The following CSNK1A1 variants were observed in gnomAD, a reference collection of about 807,000 sequenced individuals.
The protein encoded by CSNK1A1 is casein kinase 1 alpha 1, also known as casein kinase I isoform alpha.
Under a neutral mutation model 46.1 loss-of-function variants are expected in CSNK1A1, and 7 were observed. The observed-to-expected ratio is 0.15, with a 90% CI of 0.09 to 0.29. The LOEUF (loss-of-function observed/expected upper bound fraction) is 0.29. Ranked by LOEUF, CSNK1A1 falls within the 10% of genes least tolerant of loss-of-function variation. The pLI, the probability that CSNK1A1 is intolerant of heterozygous loss-of-function variation, is 1.00. For synonymous variants in CSNK1A1, 137 were observed against 141.5 expected (o/e 0.97, Z 0.23); for missense variants, 96 against 417.1 (o/e 0.23, Z 6.71).
chr5:149,515,228 T>A (rs1761363184), intron 4 of CSNK1A1, among the ~76,000 whole-genome samples: 1 of 152,210 alleles, frequency 6.6e-6, no homozygotes. Context: ...TTTTCTAGGA[T>A]TGCTTCCTTT....
rs565093834 is a variant in CSNK1A1, at chr5:149,531,443, G to A, written c.231-6272C>T. On this transcript the variant is annotated intron_variant, in intron 2 of 9. Coordinates refer to ENST00000377843, the MANE Select transcript of CSNK1A1 (RefSeq NM_001892.6). ...TGAGGCAGGAAAATTGCTTGAACCC[G>A]GGAGGCCGAGGTTGCAGTGAGCCGA... 5.3e-5 allele frequency among the ~76,000 whole-genome samples: 8 copies of A among 151,988 alleles called. No homozygotes were observed. In the South Asian group the frequency reaches 6.2e-4, roughly 12 times the overall value.
intron 2 of CSNK1A1, among the ~76,000 whole-genome samples, chr5:149,540,951 G>C (rs1203579802): frequency 6.6e-6 from 1 of 151,784 alleles, no homozygotes; most frequent in Admixed American, 6.6e-5. Context: ...ATGGTGGCGG[G>C]CACCTGTAGT....
At chr5:149,500,039 G>A (rs1580815855) in intron 9 of CSNK1A1, among the ~76,000 whole-genome samples, 3 of 126,604 alleles carry the variant, frequency 2.4e-5, no homozygotes, top group South Asian at 2.5e-4. Context: ...CGCGATCTCC[G>A]CCCACTACAA....
Position 149,548,987 on chromosome 5 carries a change from A to T in CSNK1A1, c.230+1088T>A, listed in dbSNP as rs558812223. On this transcript the variant is annotated intron_variant, in intron 2 of 9. Transcript: ENST00000377843. ...TTTTAGTCTCCATTCCATGAAGAGGATCTTTAATCCCAAAAGTTAAAACAT... is the reference window on the plus strand; with the variant it reads ...TTTTAGTCTCCATTCCATGAAGAGGTTCTTTAATCCCAAAAGTTAAAACAT... 2.6e-5 allele frequency among the ~76,000 whole-genome samples: 4 copies of T among 152,346 alleles called. No homozygotes were observed. The East Asian group carries it at 7.7e-4, about 29-fold the overall frequency.
At chr5:149,534,803 C>T (rs115056340) in intron 2 of CSNK1A1, among the ~76,000 whole-genome samples, 32 of 151,174 alleles carry the variant, frequency 2.1e-4, no homozygotes, top group African/African-American at 7.5e-4. Flanking sequence ...TGGTGGCATG[C>T]GCCTGTACTC....
At chr5:149,548,562 G>A (rs949073571) in intron 2 of CSNK1A1, among the ~76,000 whole-genome samples, 6 of 137,518 alleles carry the variant, frequency 4.4e-5, no homozygotes, top group South Asian at 4.6e-4. Flanking sequence ...GTAAGGCTCC[G>A]TTTCAAAAGA....
chr5:149,541,421 G>A (rs1473132595), intron 2 of CSNK1A1, among the ~76,000 whole-genome samples: 2 of 151,976 alleles, frequency 1.3e-5, no homozygotes, highest in Non-Finnish European at 2.9e-5. Flanking sequence ...CCAAAGTGCT[G>A]GGATTACAGG....
chr5:149,498,546 T>C (rs973094316), intron 9 of CSNK1A1: 7 of 984,954 alleles, frequency 7.1e-6, no homozygotes, highest in Admixed American at 1.2e-4. Context: ...AAAAGTACAA[T>C]ACAGGATAAG....
At chr5:149,532,548 C>T (rs1761936226) in intron 2 of CSNK1A1, among the ~76,000 whole-genome samples, 1 of 151,990 alleles carries the variant, frequency 6.6e-6, no homozygotes, top group Non-Finnish European at 1.5e-5. Flanking sequence ...CAAATATCAG[C>T]CGGGCGTGGC....
At chr5:149,529,871 A>T (rs929807043) in intron 2 of CSNK1A1, among the ~76,000 whole-genome samples, 14 of 152,190 alleles carry the variant, frequency 9.2e-5, no homozygotes, top group African/African-American at 3.1e-4. Flanking sequence ...GAAGTGTTAT[A>T]CTATAGCCGG....
At chr5:149,531,528 A>G (rs1580848067) in intron 2 of CSNK1A1, among the ~76,000 whole-genome samples, 1 of 69,774 alleles carries the variant, frequency 1.4e-5, no homozygotes, top group Non-Finnish European at 2.7e-5. Flanking sequence ...CAAAAAAAAA[A>G]GAAAGAAAGA....
chr5:149,543,458 T>C (rs1762365827), intron 2 of CSNK1A1, among the ~76,000 whole-genome samples: 1 of 151,980 alleles, frequency 6.6e-6, no homozygotes, highest in African/African-American at 2.4e-5. Context: ...AAAGCACATT[T>C]CTCGTGATCT....
chr5:149,544,830 T>A (rs1762419703), intron 2 of CSNK1A1, among the ~76,000 whole-genome samples: 2 of 146,578 alleles, frequency 1.4e-5, no homozygotes, highest in African/African-American at 5.1e-5. Context: ...TAGTTAAGCT[T>A]TTGGGGAGTC....
At chr5:149,543,599 GGATATAT>G (rs1480010158) in intron 2 of CSNK1A1, among the ~76,000 whole-genome samples, 2 of 152,002 alleles carry the variant, frequency 1.3e-5, no homozygotes, top group African/African-American at 4.8e-5. Flanking sequence ...GTTATTCACA[GGATATAT>G]GCTCAGTGCC....
rs943632273 is a variant in CSNK1A1 at position 149,509,546 on chromosome 5, G to A, written c.750+333C>T. Among the ~76,000 whole-genome samples the A allele has an allele frequency of 2.6e-4, 40 of 152,188 alleles. 1 individual carries two copies. The highest frequency in any genetic ancestry group is 1.4e-3 in the Admixed American group (21 of 15,270). On this transcript the variant is annotated intron_variant, in intron 7 of 9. Transcript: ENST00000377843. ...CTCCTGAGTAGCTGGGACCACAGAC[G>A]TGTATCACTGCACCCAGCTAATTTT...
chr5:149,533,757 G>T (rs767591542), intron 2 of CSNK1A1, among the ~76,000 whole-genome samples: 2 of 152,048 alleles, frequency 1.3e-5, no homozygotes, highest in Non-Finnish European at 2.9e-5. Context: ...GTGGTATTGA[G>T]GGACAGCATG....
intron 8 of CSNK1A1, 135 bp downstream of exon 8, chr5:149,506,892 A>T: frequency 1.5e-6 from 1 of 662,946 alleles, no homozygotes; most frequent in Non-Finnish European, 2.5e-6. Flanking sequence ...GTCCCAAATA[A>T]ATCAGTTTCT....
At chr5:149,503,561 A>G (rs1196605035) in intron 9 of CSNK1A1, 13 of 984,720 alleles carry the variant, frequency 1.3e-5, no homozygotes, top group African/African-American at 1.7e-5. Context: ...CTCTAATGTC[A>G]CTATAAAATT....
rs535171115 is a variant in CSNK1A1, at chr5:149,510,294, T to C, written c.676-341A>G. Among the ~76,000 whole-genome samples, 5 of 152,272 alleles carry C rather than the reference T, an allele frequency of 3.3e-5. No homozygotes were observed. In the East Asian group the frequency reaches 9.6e-4, roughly 29 times the overall value. On this transcript the variant is annotated intron_variant, in intron 6 of 9. Transcript: ENST00000377843. ...TTTTTAAGGAGATGGGGTCTCACTA[T>C]GTTGCCCAGGCTGGAGTGCAGTAGC...
Sources: allele counts gnomAD v4.1 joint callset (sites outside exome capture counted in the v4.1 genomes callset), GRCh38; gene constraint gnomAD v4.1.1; transcripts MANE v1.5; gene names NCBI Gene and HGNC (gene_info 2026-07-23, HGNC 2026-07-21).